The following CRISPLD2 variants were observed in gnomAD, a reference collection of about 807,000 sequenced individuals.
CRISPLD2 encodes the protein cysteine rich secretory protein LCCL domain containing 2.
CRISPLD2 carries 47 observed loss-of-function variants against 71.1 expected under a neutral mutation model. The observed-to-expected ratio is 0.66, with a 90% CI of 0.52 to 0.84. CRISPLD2 has a LOEUF of 0.84. Ranked by LOEUF, CRISPLD2 falls within the 40% of genes least tolerant of loss-of-function variation. CRISPLD2 has a pLI of 0.00. For missense variants in CRISPLD2, 830 were observed against 651.1 expected (o/e 1.27, Z -2.99); for synonymous variants, 317 against 250.1 (o/e 1.27, Z -2.52).
At chr16:84,827,068 G>A (rs532550951) in intron 1 of CRISPLD2, among the ~76,000 whole-genome samples, 2 of 152,146 alleles carry the variant, frequency 1.3e-5, no homozygotes, top group East Asian at 1.9e-4. Context: ...TTCACAAAGC[G>A]CCGTAGCCCC....
At chr16:84,875,543 T>A (rs1025316827) in intron 11 of CRISPLD2, among the ~76,000 whole-genome samples, 3 of 151,214 alleles carry the variant, frequency 2.0e-5, no homozygotes, top group African/African-American at 4.9e-5. Context: ...ACCCTTGCTT[T>A]TTTTATTTTA....
At chr16:84,853,589 C>T (rs956174903) in intron 5 of CRISPLD2, among the ~76,000 whole-genome samples, 2 of 152,208 alleles carry the variant, frequency 1.3e-5, no homozygotes, top group Admixed American at 6.5e-5. Flanking sequence ...AAGTTCTAGG[C>T]CACTCTTGTA....
Position 84,842,905 on chromosome 16 carries a change from C to A in CRISPLD2, c.241-2881C>A, listed in dbSNP as rs887731859. Among the ~76,000 whole-genome samples the A allele has an allele frequency of 4.6e-5, 7 of 152,152 alleles. No individual in the cohort carries two copies. The East Asian group carries it at 1.2e-3, about 25-fold the overall frequency. ...GGACTGGAGCTTGACTGAGCTGCGA[C>A]CCCCAGGATCCCAGATGCTTCCCGC... On this transcript the variant is annotated intron_variant, in intron 2 of 14. Transcript: ENST00000262424.
intron 14 of CRISPLD2, among the ~76,000 whole-genome samples, chr16:84,892,514 C>T (rs950787397): frequency 2.6e-5 from 4 of 152,194 alleles, no homozygotes; most frequent in East Asian, 3.9e-4. Flanking sequence ...TGACCCAACC[C>T]TTGAGATTCT....
intron 2 of CRISPLD2, among the ~76,000 whole-genome samples, chr16:84,840,607 A>C (rs543888512): frequency 6.6e-6 from 1 of 152,252 alleles, no homozygotes; most frequent in African/African-American, 2.4e-5. Flanking sequence ...CCTGGGTTCA[A>C]GCAATTCTCC....
intron 1 of CRISPLD2, among the ~76,000 whole-genome samples, chr16:84,821,434 G>A (rs775699682): frequency 1.3e-5 from 2 of 152,164 alleles, no homozygotes; most frequent in African/African-American, 2.4e-5. Context: ...TATTGTCATC[G>A]CTGCAACACC....
chr16:84,890,973 G>C (rs2071657039), intron 14 of CRISPLD2, among the ~76,000 whole-genome samples: 1 of 152,086 alleles, frequency 6.6e-6, no homozygotes, highest in South Asian at 2.1e-4. Context: ...CGCCCTGTTG[G>C]CCAGGCTGGT....
At chr16:84,904,387 C>A (rs1363906136) in intron 14 of CRISPLD2, among the ~76,000 whole-genome samples, 1 of 152,072 alleles carries the variant, frequency 6.6e-6, no homozygotes, top group Admixed American at 6.6e-5. Context: ...AGTTCCAGAG[C>A]AGCCTGGCCA....
chr16:84,832,526 C>T (rs1422457745), intron 1 of CRISPLD2, among the ~76,000 whole-genome samples: 1 of 152,250 alleles, frequency 6.6e-6, no homozygotes, highest in African/African-American at 2.4e-5. Context: ...ACTTAGACAT[C>T]GACGCTTCGG....
chr16:84,851,060 C>A (rs1312126657), intron 5 of CRISPLD2, among the ~76,000 whole-genome samples: 1 of 152,304 alleles, frequency 6.6e-6, no homozygotes, highest in Non-Finnish European at 1.5e-5. Flanking sequence ...AAAGATTGCC[C>A]CAACTGGCTT....
chr16:84,845,635 C>A, intron 2 of CRISPLD2, 151 bp from the exon 3 acceptor site: 1 of 635,406 alleles, frequency 1.6e-6, no homozygotes, highest in Non-Finnish European at 2.8e-6. Flanking sequence ...CCTGCCACGC[C>A]CCCCTGGCTG....
chr16:84,844,415 G>A (rs1171197954), intron 2 of CRISPLD2, among the ~76,000 whole-genome samples: 3 of 152,118 alleles, frequency 2.0e-5, no homozygotes, highest in African/African-American at 4.8e-5. Flanking sequence ...GTGGCATTAG[G>A]TACATTCACA....
chr16:84,846,871 C>T (rs1384459562), intron 3 of CRISPLD2, among the ~76,000 whole-genome samples: 11 of 152,354 alleles, frequency 7.2e-5, no homozygotes, highest in Non-Finnish European at 1.5e-4. Flanking sequence ...ATGCAGCCGA[C>T]GGGCCTTCCC....
chr16:84,845,935 G>T (rs1217601738), intron 3 of CRISPLD2, 31 bp downstream of exon 3: 3 of 1,446,376 alleles, frequency 2.1e-6, no homozygotes, highest in Non-Finnish European at 2.9e-6. Context: ...TCCGGCTGCC[G>T]CAGGACCCCA....
intron 4 of CRISPLD2, 74 bp downstream of exon 4, chr16:84,849,591 T>TGTC: frequency 6.7e-7 from 1 of 1,500,460 alleles, no homozygotes; most frequent in Non-Finnish European, 9.2e-7. Context: ...CCTGGGGGAT[T>TGTC]GTCAAATCTG....
At chr16:84,888,305 G>C (rs925014163) in intron 13 of CRISPLD2, among the ~76,000 whole-genome samples, 1 of 152,212 alleles carries the variant, frequency 6.6e-6, no homozygotes, top group Admixed American at 6.5e-5. Flanking sequence ...AGGCCAAGGC[G>C]GGAGGATTGC....
chr16:84,873,781 C>G (rs2071495139), intron 10 of CRISPLD2, 139 bp from the exon 11 acceptor site: 1 of 798,674 alleles, frequency 1.3e-6, no homozygotes, highest in Non-Finnish European at 1.9e-6. Flanking sequence ...TAAGAGCTCT[C>G]AGGCTGATAG....
At chr16:84,906,549 G>T in intron 14 of CRISPLD2, 39 bp from the exon 15 acceptor site, 1 of 1,609,528 alleles carries the variant, frequency 6.2e-7, no homozygotes, top group African/African-American at 1.3e-5. Flanking sequence ...AGGCCCTCCA[G>T]ATCTCTCAGT....
intron 1 of CRISPLD2, among the ~76,000 whole-genome samples, chr16:84,830,632 G>A (rs567576445): frequency 6.1e-4 from 93 of 152,166 alleles, no homozygotes; most frequent in African/African-American, 2.0e-3. Flanking sequence ...GAACCCAGGC[G>A]GTGGAGGTTG....
Sources: allele counts gnomAD v4.1 joint callset (sites outside exome capture counted in the v4.1 genomes callset), GRCh38; gene constraint gnomAD v4.1.1; transcripts MANE v1.5; gene names NCBI Gene and HGNC (gene_info 2026-07-23, HGNC 2026-07-21).